VPS13B: variants seen among roughly 807,000 people sequenced by gnomAD.
VPS13B encodes vacuolar protein sorting 13 homolog B.
In VPS13B, 285 loss-of-function variants were observed where a neutral mutation model predicts 426.4. The ratio of observed to expected loss-of-function variants is 0.67; its 90% CI spans 0.61 to 0.74. VPS13B has a LOEUF of 0.74. VPS13B is among the 30% of genes least tolerant of loss of function. The pLI is 0.00. For missense variants in VPS13B, 4,537 were observed against 4,782.6 expected (o/e 0.95, Z 1.51); for synonymous variants, 1,676 against 1,676.4 (o/e 1.00, Z 0.01).
chr8:99,817,213 C>T (rs1342236799), intron 44 of VPS13B, among the ~76,000 whole-genome samples: 1 of 151,622 alleles, frequency 6.6e-6, no homozygotes, highest in African/African-American at 2.4e-5. Flanking sequence ...TTCAGGTAAA[C>T]TATCTTCTGC....
intron 1 of VPS13B, 116 bp from the exon 2 acceptor site, chr8:99,013,644 C>A (rs889864965): frequency 1.1e-6 from 1 of 911,288 alleles, no homozygotes; most frequent in African/African-American, 1.7e-5. Flanking sequence ...TTCTCTGTTT[C>A]TAAGAGGAGG....
At chr8:99,380,712 A>G (rs1202086341) in intron 19 of VPS13B, among the ~76,000 whole-genome samples, 1 of 137,536 alleles carries the variant, frequency 7.3e-6, no homozygotes, top group Non-Finnish European at 1.6e-5. Flanking sequence ...CTTTTTATAT[A>G]TCAGTTTCAT....
At chr8:99,080,731 G>C (rs570668140) in intron 3 of VPS13B, among the ~76,000 whole-genome samples, 1 of 152,100 alleles carries the variant, frequency 6.6e-6, no homozygotes, top group Non-Finnish European at 1.5e-5. Context: ...ATTGTTTAAG[G>C]CTGTTCTAGA....
At chr8:99,138,718 G>A (rs1157207365) in intron 12 of VPS13B, among the ~76,000 whole-genome samples, 1 of 152,192 alleles carries the variant, frequency 6.6e-6, no homozygotes, top group Admixed American at 6.5e-5. Flanking sequence ...ATATGAAAGT[G>A]CAACTCAGAA....
rs1819540087 is a variant in VPS13B at position 99,288,064 on chromosome 8, G to T, written c.2824+12810G>T. ...ATGATAATCACAAATTATCTTTGTT[G>T]TCTAATAGTAGGCAAATTACCTAAT... On this transcript the variant is annotated intron_variant, in intron 19 of 61. Transcript: ENST00000357162. 2.0e-5 allele frequency among the ~76,000 whole-genome samples: 3 copies of T among 152,022 alleles called. No individual in the cohort carries two copies. The East Asian group carries it at 5.8e-4, about 29-fold the overall frequency.
At chr8:99,424,354 C>T (rs1816563021) in intron 21 of VPS13B, 1 of 151,966 alleles carries the variant, frequency 6.6e-6, no homozygotes, top group Non-Finnish European at 1.5e-5. Flanking sequence ...TGGGTCTTGA[C>T]TGTTTATCCA....
At chr8:99,087,618 T>TG (rs562138023) in intron 3 of VPS13B, among the ~76,000 whole-genome samples, 9 of 151,024 alleles carry the variant, frequency 6.0e-5, no homozygotes, top group African/African-American at 1.9e-4. Flanking sequence ...TTTTTTTGTT[T>TG]TTTTTTTTTT....
intron 19 of VPS13B, among the ~76,000 whole-genome samples, chr8:99,298,236 C>A (rs968954982): frequency 1.3e-5 from 2 of 152,136 alleles, no homozygotes; most frequent in African/African-American, 4.8e-5. Flanking sequence ...CGCCTGTAAT[C>A]CCAGCACTTT....
chr8:99,577,805 G>A, intron 33 of VPS13B, 172 bp downstream of exon 33: 1 of 978,108 alleles, frequency 1.0e-6, no homozygotes, highest in Admixed American at 2.3e-5. Context: ...TTAGAAATTT[G>A]TTTGGTCTCT....
intron 14 of VPS13B, among the ~76,000 whole-genome samples, chr8:99,153,575 T>G (rs1811190074): frequency 1.3e-5 from 2 of 152,202 alleles, no homozygotes; most frequent in South Asian, 4.1e-4. Flanking sequence ...CAGAGTTTCT[T>G]ATAATAAAAG....
intron 17 of VPS13B, chr8:99,233,650 C>T (rs770502909): frequency 1.1e-4 from 97 of 916,796 alleles, no homozygotes; most frequent in Non-Finnish European, 1.4e-4. Flanking sequence ...TGGCATAGGC[C>T]TCCACTGTGC....
intron 33 of VPS13B, among the ~76,000 whole-genome samples, chr8:99,628,941 T>G (rs1425465537): frequency 6.6e-6 from 1 of 152,134 alleles, no homozygotes; most frequent in Non-Finnish European, 1.5e-5. Flanking sequence ...TTTTTTTTAT[T>G]TTTTGTAGTG....
chr8:99,220,563 A>G (rs1043911875), intron 17 of VPS13B, among the ~76,000 whole-genome samples: 14 of 152,208 alleles, frequency 9.2e-5, no homozygotes, highest in African/African-American at 3.4e-4. Context: ...ACGTTAAAGT[A>G]TACTTTGGAT....
chr8:99,028,229 A>T (rs1842239894), intron 2 of VPS13B, among the ~76,000 whole-genome samples: 1 of 151,704 alleles, frequency 6.6e-6, no homozygotes, highest in Non-Finnish European at 1.5e-5. Context: ...GCCGCTGGGC[A>T]CACCTCCCAG....
At chr8:99,530,613 CAAAA>C (rs1196820876) in intron 30 of VPS13B, among the ~76,000 whole-genome samples, 2 of 86,050 alleles carry the variant, frequency 2.3e-5, no homozygotes, top group South Asian at 3.7e-4. Flanking sequence ...GACTCTGTCT[CAAAA>C]AAAAAAAAAA....
Position 99,876,620 on chromosome 8 carries a change from T to C in VPS13B, c.*954T>C, listed in dbSNP as rs1400249547. The stretch of plus-strand genomic sequence containing the variant: ...ATTTTGTTTATTCTGTGGAATTGAC[T>C]TGACAAAGCATGAAGATATTCCCAG... On this transcript the variant is annotated 3_prime_UTR_variant, in exon 62 of 62. Coordinates refer to ENST00000357162, the MANE Select transcript of VPS13B (RefSeq NM_152564.5). 6.6e-6 allele frequency: 1 copy of C among 152,192 alleles called. No individual in the cohort carries two copies. Among genetic ancestry groups the C allele is most frequent in the Non-Finnish European group, 1.5e-5 (1 of 68,026 alleles). 9.4% of individuals were successfully genotyped at this position (152,192 alleles called of 1,614,324 possible). A position where few individuals can be genotyped will look rare whatever the true frequency, so the allele number is the denominator to read the frequency against.
intron 35 of VPS13B, among the ~76,000 whole-genome samples, chr8:99,666,529 A>G (rs1385897190): frequency 6.6e-6 from 1 of 152,238 alleles, no homozygotes; most frequent in Non-Finnish European, 1.5e-5. Context: ...AATGTTATCC[A>G]GCATATAAAC....
chr8:99,406,251 C>G (rs375071285), intron 21 of VPS13B, among the ~76,000 whole-genome samples: 2 of 150,584 alleles, frequency 1.3e-5, no homozygotes, highest in South Asian at 2.1e-4. Flanking sequence ...CTCTCCTTCT[C>G]TAGAATATAT....
intron 59 of VPS13B, 96 bp from the exon 60 acceptor site, chr8:99,870,689 C>T: frequency 3.5e-6 from 4 of 1,147,044 alleles, no homozygotes; most frequent in Non-Finnish European, 5.3e-6. Context: ...GGATCTGTAA[C>T]ATTTTATGGA....
Sources: allele counts gnomAD v4.1 joint callset (sites outside exome capture counted in the v4.1 genomes callset), GRCh38; gene constraint gnomAD v4.1.1; transcripts MANE v1.5; gene names NCBI Gene and HGNC (gene_info 2026-07-23, HGNC 2026-07-21).